Variants in ARHGEF26 observed in about 807,000 individuals in gnomAD.
The protein encoded by ARHGEF26 is Rho guanine nucleotide exchange factor (GEF) 26.
A neutral mutation model predicts 89.4 loss-of-function variants in ARHGEF26; 59 were observed. That is an observed-to-expected ratio of 0.66 (90% CI 0.54 to 0.82). ARHGEF26 has a LOEUF of 0.82. Among genes scored for constraint, ARHGEF26 ranks in the 40% least tolerant of loss-of-function variants. ARHGEF26 has a pLI of 0.00. For missense variants in ARHGEF26, 1,234 were observed against 1,085.6 expected (o/e 1.14, Z -1.92); for synonymous variants, 500 against 428.4 (o/e 1.17, Z -2.06).
In ARHGEF26 at chr3:154,256,193, G is replaced by A. The variant is rs971629885; in HGVS notation, c.*720G>A. The A allele has an allele frequency of 8.8e-5, 87 of 985,610 alleles. No homozygotes were observed. The highest frequency in any genetic ancestry group is 1.0e-4 in the Non-Finnish European group (86 of 829,982). 61.1% of individuals were successfully genotyped at this position (985,610 alleles called of 1,614,324 possible). On this transcript the variant is annotated 3_prime_UTR_variant, in exon 15 of 15. Coordinates refer to ENST00000465093, the MANE Select transcript of ARHGEF26 (RefSeq NM_015595.4). ...GCTACCTTTAACAACGTAGAATTTA[G>A]ATGGGTTCATATATGTGAGAAAAAC...
intron 13 of ARHGEF26, 98 bp from the exon 14 acceptor site, chr3:154,254,622 C>A: frequency 1.1e-6 from 1 of 875,420 alleles, no homozygotes; most frequent in Non-Finnish European, 1.8e-6. Flanking sequence ...TCAATGCTGG[C>A]CCTGAATTGC....
intron 12 of ARHGEF26, among the ~76,000 whole-genome samples, chr3:154,246,830 TA>T (rs1455714343): frequency 6.6e-6 from 1 of 152,204 alleles, no homozygotes; most frequent in African/African-American, 2.4e-5. Flanking sequence ...GAGGTGGCAG[TA>T]AGTGGAAGAG....
At chr3:154,235,203 A>C (rs1278402332) in intron 11 of ARHGEF26, among the ~76,000 whole-genome samples, 2 of 152,040 alleles carry the variant, frequency 1.3e-5, no homozygotes, top group African/African-American at 4.8e-5. Flanking sequence ...TAAATTATGT[A>C]TTAATTTAGG....
intron 9 of ARHGEF26, among the ~76,000 whole-genome samples, chr3:154,207,114 G>C (rs1027086442): frequency 1.3e-5 from 2 of 152,094 alleles, no homozygotes; most frequent in Non-Finnish European, 2.9e-5. Context: ...AATCAAGATA[G>C]ATTAAAGACT....
intron 4 of ARHGEF26, among the ~76,000 whole-genome samples, chr3:154,143,190 TA>T (rs923924156): frequency 3.3e-5 from 5 of 152,194 alleles, no homozygotes; most frequent in Non-Finnish European, 5.9e-5. Context: ...TACCAATAGA[TA>T]AAAAAATTGA....
chr3:154,201,925 T>A (rs1242799771), intron 9 of ARHGEF26, among the ~76,000 whole-genome samples: 1 of 151,102 alleles, frequency 6.6e-6, no homozygotes, highest in African/African-American at 2.4e-5. Context: ...GATGAGTAGG[T>A]TGCGAAAATT....
At chr3:154,232,970 G>C (rs1197666745) in intron 11 of ARHGEF26, among the ~76,000 whole-genome samples, 1 of 151,968 alleles carries the variant, frequency 6.6e-6, no homozygotes, top group East Asian at 1.9e-4. Context: ...TGGGACTACA[G>C]GTGCTTGCCA....
intron 9 of ARHGEF26, among the ~76,000 whole-genome samples, chr3:154,196,927 T>G (rs116312513): frequency 2.4e-3 from 358 of 152,122 alleles, no homozygotes; most frequent in African/African-American, 8.4e-3. Flanking sequence ...AATAGGAAGG[T>G]ACTAGTAGTT....
At position 154,122,214 on chromosome 3, in the gene ARHGEF26, C is replaced by T. The variant is rs758465832; in HGVS notation, c.222C>T (p.Ser74=). Residue 74 remains serine (S), a synonymous_variant, in exon 2 of 15, where the codon AGC becomes AGT. Coordinates refer to ENST00000465093, the MANE Select transcript of ARHGEF26 (RefSeq NM_015595.4). ...CCCAGGTGCCCACCGCCTCGGACAGCAGGACGGTACATAGGAGCCCCCTGC... is the reference window on the plus strand; with the variant it reads ...CCCAGGTGCCCACCGCCTCGGACAGTAGGACGGTACATAGGAGCCCCCTGC... ...IPAQVPTASD[S]RTVHRSPLLL... 5 of 1,606,900 alleles carry T rather than the reference C, an allele frequency of 3.1e-6. No individual in the cohort carries two copies. In the South Asian group the frequency reaches 5.6e-5, roughly 18 times the overall value.
chr3:154,187,949 G>T (rs1411952574), intron 7 of ARHGEF26, 112 bp downstream of exon 7: 2 of 1,066,728 alleles, frequency 1.9e-6, no homozygotes, highest in East Asian at 2.7e-5. Flanking sequence ...CTCCTGATAG[G>T]CTATTTCCCA....
intron 10 of ARHGEF26, among the ~76,000 whole-genome samples, chr3:154,224,637 A>G (rs1716362355): frequency 6.6e-6 from 1 of 152,138 alleles, no homozygotes. Flanking sequence ...TATCTAAGCA[A>G]TCTGTCGACC....
intron 5 of ARHGEF26, among the ~76,000 whole-genome samples, chr3:154,152,511 G>A (rs1480871180): frequency 1.3e-5 from 2 of 152,092 alleles, no homozygotes; most frequent in Non-Finnish European, 2.9e-5. Context: ...CATGACCTCA[G>A]GATGTGATGT....
chr3:154,132,938 G>A (rs1159290729), intron 4 of ARHGEF26, among the ~76,000 whole-genome samples: 1 of 152,152 alleles, frequency 6.6e-6, no homozygotes, highest in Non-Finnish European at 1.5e-5. Flanking sequence ...TTTTCTGGCA[G>A]TGGGTTAGGT....
chr3:154,194,138 T>C (rs912082408), intron 8 of ARHGEF26, among the ~76,000 whole-genome samples: 13 of 152,184 alleles, frequency 8.5e-5, no homozygotes, highest in Admixed American at 7.2e-4. Context: ...GTTCTTTTTA[T>C]TCAAAATGTA....
rs577239216 is a variant in ARHGEF26 at position 154,253,244 on chromosome 3, C to T, written c.2368+61C>T. ...TGGATGGGCTCTGCCCCCTGCTGGA[C>T]GCCGGGTTACTAACGAGTTATATTG... On this transcript the variant is annotated intron_variant, in intron 13 of 14. Coordinates refer to ENST00000465093, the MANE Select transcript of ARHGEF26 (RefSeq NM_015595.4). 14 of 1,585,524 alleles carry T rather than the reference C, an allele frequency of 8.8e-6. No individual in the cohort carries two copies. The East Asian group carries it at 2.7e-4, about 30-fold the overall frequency.
intron 4 of ARHGEF26, among the ~76,000 whole-genome samples, chr3:154,148,712 C>T (rs914044181): frequency 4.2e-4 from 64 of 152,168 alleles, no homozygotes; most frequent in African/African-American, 1.5e-3. Flanking sequence ...TGTGAAATTC[C>T]TGCTCAGGGT....
At chr3:154,231,539 C>A (rs1163124184) in intron 11 of ARHGEF26, among the ~76,000 whole-genome samples, 1 of 152,020 alleles carries the variant, frequency 6.6e-6, no homozygotes, top group African/African-American at 2.4e-5. Flanking sequence ...TATGAATAGT[C>A]CTGCTAAGTA....
chr3:154,236,433 A>G lies in ARHGEF26; in HGVS notation c.2091-3937A>G, dbSNP rs143984172. 6.9e-3 allele frequency among the ~76,000 whole-genome samples: 1,051 copies of G among 152,336 alleles called. 10 individuals carry two copies. Among genetic ancestry groups the G allele is most frequent in the South Asian group, 0.012 (58 of 4,828 alleles). ...ACTTGGAGCACATATAAGACAATCA[A>G]AGGAAGTCTCCATATAAACTTCTCC... is the stretch of plus-strand genomic sequence containing the variant. On this transcript the variant is annotated intron_variant, in intron 11 of 14. Transcript: ENST00000465093.
intron 11 of ARHGEF26, among the ~76,000 whole-genome samples, chr3:154,232,634 A>G (rs1034238637): frequency 2.6e-5 from 4 of 152,204 alleles, no homozygotes; most frequent in Admixed American, 2.0e-4. Context: ...AATAAAAAAA[A>G]TAGCTGACAT....
Sources: gnomAD v4.1 joint callset for allele counts (sites outside exome capture counted in the v4.1 genomes callset) on GRCh38, gnomAD v4.1.1 for gene constraint, MANE v1.5 for transcripts, NCBI Gene and HGNC (gene_info 2026-07-23, HGNC 2026-07-21) for gene names.